Variants in DYM observed in about 807,000 individuals in gnomAD.
The protein encoded by DYM is dyggve-Melchior-Clausen syndrome protein.
In DYM, 78 loss-of-function variants were observed where a neutral mutation model predicts 93.1. The observed-to-expected ratio is 0.84, with a 90% CI of 0.70 to 1.01. The LOEUF is 1.01. Among genes scored for constraint, DYM ranks in the 50% least tolerant of loss-of-function variants. The pLI is 0.00. For synonymous variants in DYM, 321 were observed against 319.7 expected, an observed-to-expected ratio of 1.00 and a Z score of -0.04; for missense variants, 789 against 845.0, an observed-to-expected ratio of 0.93 and a Z score of 0.82.
chr18:49,202,943 G>A (rs1357248201), intron 14 of DYM, among the ~76,000 whole-genome samples: 11 of 132,722 alleles, frequency 8.3e-5, no homozygotes, highest in African/African-American at 3.1e-4. Context: ...GCCCCATCCG[G>A]GAGGGAGGTG....
At chr18:49,359,715 T>G (rs1245547182) in intron 6 of DYM, 1 of 152,254 alleles carries the variant, frequency 6.6e-6, no homozygotes, top group African/African-American at 2.4e-5. Context: ...TTACCCTCAG[T>G]GGCCATTAAA....
At chr18:49,409,237 T>C (rs984246906) in intron 2 of DYM, among the ~76,000 whole-genome samples, 8 of 149,502 alleles carry the variant, frequency 5.4e-5, no homozygotes, top group East Asian at 2.0e-4. Flanking sequence ...TGAGCCGAGA[T>C]TGCACCACTG....
chr18:49,395,303 T>C (rs1012798248), intron 2 of DYM, among the ~76,000 whole-genome samples: 1 of 150,740 alleles, frequency 6.6e-6, no homozygotes, highest in African/African-American at 2.4e-5. Context: ...AATTTAAAAA[T>C]GAACAAAATA....
At chr18:49,138,132 C>T (rs768456057) in intron 15 of DYM, among the ~76,000 whole-genome samples, 1 of 152,026 alleles carries the variant, frequency 6.6e-6, no homozygotes, top group African/African-American at 2.4e-5. Flanking sequence ...AAGAAACATG[C>T]CGTGCCATGA....
intron 17 of DYM, among the ~76,000 whole-genome samples, chr18:49,067,919 G>T (rs933754566): frequency 3.9e-5 from 6 of 151,964 alleles, no homozygotes; most frequent in African/African-American, 1.5e-4. Flanking sequence ...ACTGCTGACA[G>T]AACACCCACC....
chr18:49,285,489 C>T (rs745401050), intron 9 of DYM, among the ~76,000 whole-genome samples: 5 of 152,120 alleles, frequency 3.3e-5, no homozygotes, highest in African/African-American at 4.8e-5. Context: ...ATTATAATAC[C>T]ACGTTTTTAT....
chr18:49,085,831 C>T (rs556951362), intron 17 of DYM, among the ~76,000 whole-genome samples: 183 of 152,168 alleles, frequency 1.2e-3, no homozygotes, highest in African/African-American at 4.0e-3. Context: ...TGCTCTTGAA[C>T]GTCTGACTGG....
intron 17 of DYM, among the ~76,000 whole-genome samples, chr18:49,052,290 G>A (rs907886071): frequency 3.3e-5 from 5 of 152,170 alleles, no homozygotes; most frequent in African/African-American, 7.2e-5. Flanking sequence ...CCCCCTCTCC[G>A]AATCTACCTG....
intron 17 of DYM, among the ~76,000 whole-genome samples, chr18:49,085,123 T>C (rs184815775): frequency 6.6e-6 from 1 of 152,180 alleles, no homozygotes; most frequent in African/African-American, 2.4e-5. Flanking sequence ...TTGACTATGT[T>C]CTAGATACAA....
At chr18:49,047,479 A>T (rs1364234906) in intron 17 of DYM, among the ~76,000 whole-genome samples, 3 of 152,168 alleles carry the variant, frequency 2.0e-5, no homozygotes, top group Admixed American at 2.0e-4. Context: ...ACTTGCTGAC[A>T]CGAGTCAGAG....
intron 6 of DYM, among the ~76,000 whole-genome samples, chr18:49,335,544 G>A (rs963569427): frequency 1.3e-5 from 2 of 152,302 alleles, no homozygotes; most frequent in African/African-American, 4.8e-5. Context: ...AGACAAACTT[G>A]ATGTTTCATG....
At chr18:49,261,216 C>T (rs1013766753) in intron 11 of DYM, among the ~76,000 whole-genome samples, 4 of 152,024 alleles carry the variant, frequency 2.6e-5, no homozygotes, top group African/African-American at 4.8e-5. Flanking sequence ...AGGTGGCTTC[C>T]GTACACATAT....
chr18:49,296,029 C>T (rs529308101), intron 8 of DYM, among the ~76,000 whole-genome samples: 2 of 152,284 alleles, frequency 1.3e-5, no homozygotes, highest in East Asian at 3.9e-4. Context: ...TCAAGCAATT[C>T]TCCTGCCTCA....
chr18:49,185,471 A>G (rs1466734608), intron 14 of DYM, among the ~76,000 whole-genome samples: 2 of 152,258 alleles, frequency 1.3e-5, no homozygotes, highest in Non-Finnish European at 2.9e-5. Flanking sequence ...TGTGAGCTTC[A>G]TAATATTAAA....
At chr18:49,203,864 A>T (rs2092304608) in intron 14 of DYM, among the ~76,000 whole-genome samples, 1 of 105,000 alleles carries the variant, frequency 9.5e-6, no homozygotes, top group Non-Finnish European at 1.9e-5. Context: ...AAATAAATTT[A>T]AAAAAGTAAA....
At chr18:49,316,864 G>C (rs1370431253) in intron 8 of DYM, among the ~76,000 whole-genome samples, 2 of 151,994 alleles carry the variant, frequency 1.3e-5, no homozygotes, top group Non-Finnish European at 2.9e-5. Flanking sequence ...GGCATTTAAG[G>C]TTCTTCCATG....
rs545343999 is a variant in DYM at position 49,252,913 on chromosome 18, CT to C, written c.1460+4096del. ...ATAAAGAACGCAGCAAATATGCACA[CT>C]TATGGCATATCCAAAAGACTTACAA... is the stretch of plus-strand genomic sequence containing the variant. On this transcript the variant is annotated intron_variant, in intron 13 of 17. Transcript: ENST00000675505. Among the ~76,000 whole-genome samples, 448 of 152,278 alleles carry C rather than the reference CT, an allele frequency of 2.9e-3. 3 individuals are homozygous for C. Among genetic ancestry groups the C allele is most frequent in the African/African-American group, 0.01 (433 of 41,546 alleles).
chr18:49,348,470 G>A (rs1356887082), intron 6 of DYM, among the ~76,000 whole-genome samples: 2 of 152,148 alleles, frequency 1.3e-5, no homozygotes, highest in African/African-American at 4.8e-5. Context: ...CTTGGCATTT[G>A]GGATTCAAGA....
chr18:49,221,988 A>T (rs1056213309), intron 13 of DYM, among the ~76,000 whole-genome samples: 18 of 17,018 alleles, frequency 1.1e-3, no homozygotes, highest in Non-Finnish European at 5.1e-3. Context: ...TTATTTTATA[A>T]AAAAAAAAGA....
Sources: gnomAD v4.1 joint callset for allele counts (sites outside exome capture counted in the v4.1 genomes callset) on GRCh38, gnomAD v4.1.1 for gene constraint, MANE v1.5 for transcripts, NCBI Gene and HGNC (gene_info 2026-07-23, HGNC 2026-07-21) for gene names.